The following SLC19A2 variants were observed in gnomAD, a reference collection of about 807,000 sequenced individuals.
The protein encoded by SLC19A2 is solute carrier family 19 member 2.
In SLC19A2, 27 loss-of-function variants were observed where a neutral mutation model predicts 44.7. The ratio of observed to expected loss-of-function variants is 0.60; its 90% CI spans 0.45 to 0.83. The LOEUF (loss-of-function observed/expected upper bound fraction) is 0.83, where lower values mean the gene tolerates loss of function less well. SLC19A2 is among the 40% of genes least tolerant of loss of function. SLC19A2 has a pLI of 0.00. For synonymous variants in SLC19A2, 239 were observed against 243.6 expected, an observed-to-expected ratio of 0.98 and a Z score of 0.18; for missense variants, 566 against 613.7, an observed-to-expected ratio of 0.92 and a Z score of 0.82.
chr1:169,467,983 A>G (rs1264264224), intron 5 of SLC19A2, 128 bp downstream of exon 5: 3 of 893,564 alleles, frequency 3.4e-6, no homozygotes, highest in Non-Finnish European at 5.4e-6. Context: ...GAATGAAGGA[A>G]GGAGGGTATG....
chr1:169,477,054 C>G lies in SLC19A2; in HGVS notation c.807+101G>C, dbSNP rs1557891704. On this transcript the variant is annotated intron_variant, in intron 2 of 5. Coordinates refer to ENST00000236137, the MANE Select transcript of SLC19A2 (RefSeq NM_006996.3). ...AACCAACTCAGGATAAAACATGAAT[C>G]CAAATAAATACAAGATCTACCAAGA... The G allele has an allele frequency of 2.3e-6, 3 of 1,311,294 alleles. No individual in the cohort carries two copies. In the Admixed American group the frequency reaches 5.1e-5, roughly 22 times the overall value. 81.2% of individuals were successfully genotyped at this position (1,311,294 alleles called of 1,614,324 possible). A position where few individuals can be genotyped will look rare whatever the true frequency, so the allele number is the denominator to read the frequency against.
At chr1:169,470,344 G>A (rs573080682) in intron 2 of SLC19A2, among the ~76,000 whole-genome samples, 158 bp from the exon 3 acceptor site, 7 of 152,142 alleles carry the variant, frequency 4.6e-5, no homozygotes, top group East Asian at 3.9e-4. Context: ...CCCCTCTGGC[G>A]AAAAATATGT....
Position 169,477,716 on chromosome 1 carries a change from C to T in SLC19A2, c.246G>A (p.Leu82=), listed in dbSNP as rs780584506. ...CAAGGAACACAGGAAACAGTAGCACCAGGTAAGAGTAAGTCCATACTGGAT... is the reference window on the plus strand; with the variant it reads ...CAAGGAACACAGGAAACAGTAGCACTAGGTAAGAGTAAGTCCATACTGGAT... The part of the protein sequence containing the change: ...EIYPVWTYSY[L]VLLFPVFLAT... Residue 82 remains leucine, a synonymous_variant, in exon 2 of 6, where the codon CTG becomes CTA. Transcript: ENST00000236137. 1.2e-6 allele frequency: 2 copies of T among 1,612,150 alleles called. No homozygotes were observed. Among genetic ancestry groups the T allele is most frequent in the Admixed American group, 1.7e-5 (1 of 59,860 alleles).
chr1:169,468,982 C>A, intron 3 of SLC19A2, 146 bp from the exon 4 acceptor site: 1 of 689,952 alleles, frequency 1.4e-6, no homozygotes, highest in Admixed American at 2.8e-5. Flanking sequence ...TTGAAACTCA[C>A]ACAGAAATTT....
At chr1:169,483,398 C>CA (rs140561992) in intron 1 of SLC19A2, among the ~76,000 whole-genome samples, 19,934 of 151,916 alleles carry the variant, frequency 0.13, 1,823 homozygotes, top group African/African-American at 0.26. Context: ...ATTAGTTATA[C>CA]AAAAAAACGT....
intron 4 of SLC19A2, 126 bp downstream of exon 4, chr1:169,468,518 A>G (rs1658089247): frequency 1.2e-6 from 1 of 801,320 alleles, no homozygotes; most frequent in Non-Finnish European, 2.0e-6. Flanking sequence ...TAATGCACAT[A>G]TAATACAATG....
At chr1:169,485,011 A>ATTT (rs981628445) in intron 1 of SLC19A2, among the ~76,000 whole-genome samples, 14 of 152,354 alleles carry the variant, frequency 9.2e-5, no homozygotes, top group Admixed American at 6.5e-4. Flanking sequence ...CCAATTAAAA[A>ATTT]TCAAGACAAA....
rs779065978 is a variant in SLC19A2 at position 169,470,021 on chromosome 1, G to A, written c.973C>T (p.Pro325Ser). The part of the protein sequence containing the change: ...YTQGLWEKVM[P>S]SRYAAIYNGG... ...TTATAGATAGCAGCATAGCGAGAAG[G>A]CATCACTTTCTCCCACAGGCCCTGT... Residue 325 changes from proline to serine, a missense_variant, in exon 3 of 6, where the codon CCT becomes TCT. Physicochemically the swap from Pro to Ser is moderately conservative, Grantham distance 74 (BLOSUM62 -1). Transcript: ENST00000236137. 1.2e-6 allele frequency: 2 copies of A among 1,614,002 alleles called. No homozygotes were observed. Among genetic ancestry groups the A allele is most frequent in the East Asian group, 2.2e-5 (1 of 44,878 alleles).
Position 169,468,192 on chromosome 1 carries a change from G to C in SLC19A2, c.1284C>G (p.Thr428=). The C allele has an allele frequency of 6.2e-7, 1 of 1,613,812 alleles. No homozygotes were observed. The highest frequency in any genetic ancestry group is 1.1e-5 in the South Asian group (1 of 91,082). The change falls in exon 5 of 6, where the codon ACC becomes ACG. Residue 428 remains threonine (T), a synonymous_variant. Coordinates refer to ENST00000236137, the MANE Select transcript of SLC19A2 (RefSeq NM_006996.3). ...GCGTCTGCAGTGCCAGGGCAATGAA[G>C]GTATTTACACCAAATACTAGGGCAT... ...ERYALVFGVN[T]FIALALQTLL... is the part of the protein sequence containing the mutation.
At position 169,463,984 on chromosome 1, in the gene SLC19A2, A is replaced by G. The variant is rs1557886920; in HGVS notation, c.*1865T>C. 1 of 152,582 alleles carries G rather than the reference A, an allele frequency of 6.6e-6. No homozygotes were observed. Among genetic ancestry groups the G allele is most frequent in the East Asian group, 1.9e-4 (1 of 5,192 alleles). The allele number at this position is 152,582 out of a possible 1,614,324, so 9.5% of individuals were successfully genotyped here. ...AATTTTATAATCTATACAGAATTGA[A>G]TAAAAAGTACAACAAATTATTTTCA... is the stretch of plus-strand genomic sequence containing the variant. On this transcript the variant is annotated 3_prime_UTR_variant, in exon 6 of 6. Coordinates refer to ENST00000236137, the MANE Select transcript of SLC19A2 (RefSeq NM_006996.3).
rs1658188532 is a variant in SLC19A2, at chr1:169,471,717, A to G, written c.808-1531T>C. Among the ~76,000 whole-genome samples, 3 of 94,622 alleles carry G rather than the reference A, an allele frequency of 3.2e-5. No individual in the cohort carries two copies. In the South Asian group the frequency reaches 1.1e-3, roughly 36 times the overall value. The allele number at this position is 94,622 out of a possible 152,430, so 62.1% of individuals were successfully genotyped here. A position where few individuals can be genotyped will look rare whatever the true frequency, so the allele number is the denominator to read the frequency against. ...GTGTGTGTATATATACACACACACC[A>G]TATATATCATTTTTATAAAATTAAT... On this transcript the variant is annotated intron_variant, in intron 2 of 5. Transcript: ENST00000236137.
At position 169,469,988 on chromosome 1, in the gene SLC19A2, C is replaced by A. The variant is rs148047353; in HGVS notation, c.1006G>T (p.Val336Leu). ...CCCAGTAAGGTTGAAACGGCCTCCA[C>A]GCCACCATTATAGATAGCAGCATAG... ...SRYAAIYNGG[V>L]EAVSTLLGAV... Residue 336 changes from valine (V) to leucine (L), a missense_variant, in exon 3 of 6, where the codon GTG (valine) becomes TTG (leucine). Coordinates refer to ENST00000236137, the MANE Select transcript of SLC19A2 (RefSeq NM_006996.3). The A allele has an allele frequency of 2.0e-5, 33 of 1,613,858 alleles. No homozygotes were observed. In the African/African-American group the frequency reaches 3.5e-4, roughly 17 times the overall value.
intron 1 of SLC19A2, among the ~76,000 whole-genome samples, chr1:169,479,273 T>C (rs1201959736): frequency 6.6e-6 from 1 of 152,236 alleles, no homozygotes; most frequent in Admixed American, 6.5e-5. Flanking sequence ...TAAGTCTCTC[T>C]AGATGGCAGG....
In SLC19A2 at chr1:169,476,485, G is replaced by A. The variant is rs1277567430; in HGVS notation, c.807+670C>T. On this transcript the variant is annotated intron_variant, in intron 2 of 5. Transcript: ENST00000236137. ...TGTAATCCCAGCACTTTGGGAGGCT[G>A]AGGCTGGTGGACTGCTTGAGGTCAG... Among the ~76,000 whole-genome samples, 3 of 152,278 alleles carry A rather than the reference G, an allele frequency of 2.0e-5. No individual in the cohort carries two copies. In the East Asian group the frequency reaches 5.8e-4, roughly 29 times the overall value.
At chr1:169,474,259 C>T (rs894638701) in intron 2 of SLC19A2, 1 of 152,038 alleles carries the variant, frequency 6.6e-6, no homozygotes, top group Non-Finnish European at 1.5e-5. Flanking sequence ...CATGCAGACA[C>T]AGAAAGAACA....
chr1:169,473,249 A>AT (rs1264674783), intron 2 of SLC19A2, among the ~76,000 whole-genome samples: 2 of 151,536 alleles, frequency 1.3e-5, no homozygotes, highest in Admixed American at 6.6e-5. Flanking sequence ...TTATTTATTT[A>AT]TTTTTTTGAG....
chr1:169,477,570 T>TA lies in SLC19A2; in HGVS notation c.391dup (p.Tyr131LeufsTer8), dbSNP rs1658354243. The TA allele has an allele frequency of 2.5e-6, 4 of 1,613,848 alleles. No individual in the cohort carries two copies. The South Asian group carries it at 3.3e-5, about 13-fold the overall frequency. ...AATTTCAGTGGCTGTGGCGATGCCA[T>TA]AAAAAAATTCTAGAAATTGAATGGC... On this transcript the variant is annotated frameshift_variant, in exon 2 of 6. Coordinates refer to ENST00000236137, the MANE Select transcript of SLC19A2 (RefSeq NM_006996.3). LOFTEE classifies it high-confidence loss of function.
chr1:169,466,427 A>G (rs977921162), intron 5 of SLC19A2, among the ~76,000 whole-genome samples: 2 of 152,184 alleles, frequency 1.3e-5, no homozygotes, highest in Non-Finnish European at 2.9e-5. Flanking sequence ...CAAATTCTGA[A>G]GATCAAGAAC....
intron 3 of SLC19A2, among the ~76,000 whole-genome samples, chr1:169,469,429 G>T (rs1470266921): frequency 6.6e-6 from 1 of 152,170 alleles, no homozygotes; most frequent in Non-Finnish European, 1.5e-5. Context: ...CATCCTGCCT[G>T]AGTTCAAGTC....
Sources: gnomAD v4.1 joint callset for allele counts (sites outside exome capture counted in the v4.1 genomes callset) on GRCh38, gnomAD v4.1.1 for gene constraint, MANE v1.5 for transcripts, NCBI Gene and HGNC (gene_info 2026-07-23, HGNC 2026-07-21) for gene names.